KCNQ1: variants seen among roughly 807,000 people sequenced by gnomAD.
The protein encoded by KCNQ1 is potassium voltage-gated channel subfamily Q member 1, also known as potassium voltage-gated channel subfamily KQT member 1.
KCNQ1 carries 49 observed loss-of-function variants against 72.4 expected under a neutral mutation model. The observed-to-expected ratio is 0.68, with a 90% CI of 0.54 to 0.86. KCNQ1 has a LOEUF of 0.86. Ranked by LOEUF, KCNQ1 falls within the 40% of genes least tolerant of loss-of-function variation. The probability of loss-of-function intolerance (pLI) is 0.00; values close to 1 mark genes in which losing one functional copy is unlikely to be tolerated. For missense variants in KCNQ1, 790 were observed against 945.1 expected, an observed-to-expected ratio of 0.84 and a Z score of 2.15; for synonymous variants, 450 against 412.6, an observed-to-expected ratio of 1.09 and a Z score of -1.10.
chr11:2,654,454 C>G lies in KCNQ1; in HGVS notation c.1394-7507C>G, dbSNP rs993769700. On this transcript the variant is annotated intron_variant, in intron 10 of 15. Transcript: ENST00000155840. This position sits in a 1 kb window ranked among gnomAD's most constrained non-coding sequence, Gnocchi z 6.4. ...CAGAAGGCAAGGTTCCCGTGCTGAG[C>G]GCCAGGCACACATAAGCCCTGCAGC... 88 of 398,492 alleles carry G rather than the reference C, an allele frequency of 2.2e-4. No individual in the cohort carries two copies. The highest frequency in any genetic ancestry group is 6.2e-4 in the Middle Eastern group (1 of 1,610). 24.7% of individuals were successfully genotyped at this position (398,492 alleles called of 1,614,324 possible). A position where few individuals can be genotyped will look rare whatever the true frequency, so the allele number is the denominator to read the frequency against.
chr11:2,623,678 G>C lies in KCNQ1; in HGVS notation c.1393+34824G>C, dbSNP rs1849212966. ...TTATCTGTCTACTCACCTATGGAAG[G>C]ACATCTCGGTTGCTTCCAATTTCAA... On this transcript the variant is annotated intron_variant, in intron 10 of 15. Transcript: ENST00000155840. This position sits in a 1 kb window ranked among gnomAD's most constrained non-coding sequence, Gnocchi z 5.2. The C allele has an allele frequency of 1.0e-5, 4 of 398,482 alleles. No homozygotes were observed. In the East Asian group the frequency reaches 1.4e-4, roughly 14 times the overall value. The allele number at this position is 398,482 out of a possible 1,614,324, so 24.7% of individuals were successfully genotyped here.
At position 2,574,626 on chromosome 11, in the gene KCNQ1, G is replaced by A. The variant is rs141284849; in HGVS notation, c.921+1640G>A. Among the ~76,000 whole-genome samples, 1,232 of 152,322 alleles carry A rather than the reference G, an allele frequency of 8.1e-3. 9 individuals are homozygous for A. Among genetic ancestry groups the A allele is most frequent in the Middle Eastern group, 0.034 (10 of 294 alleles). ...GGGTGGGGTGAGAAGCCTCCCGGTG[G>A]CTCCCCAGGCAGGCACGTGTCCCTG... is the stretch of plus-strand genomic sequence containing the variant. On this transcript the variant is annotated intron_variant, in intron 6 of 15. Coordinates refer to ENST00000155840, the MANE Select transcript of KCNQ1 (RefSeq NM_000218.3).
chr11:2,475,011 C>G lies in KCNQ1; in HGVS notation c.386+29527C>G, dbSNP rs1420170870. Among the ~76,000 whole-genome samples the G allele has an allele frequency of 6.6e-6, 1 of 152,176 alleles. No homozygotes were observed. Among genetic ancestry groups the G allele is most frequent in the Admixed American group, 6.5e-5 (1 of 15,276 alleles). Reference sequence around the variant, plus strand: ...ATTGTTTGTGTTGTGATAAAATACACGTAACGTAAAATTGACCTTTTTAAC... The same window carrying G: ...ATTGTTTGTGTTGTGATAAAATACAGGTAACGTAAAATTGACCTTTTTAAC... On this transcript the variant is annotated intron_variant, in intron 1 of 15. Transcript: ENST00000155840. The surrounding 1 kb of genome is among the most constrained non-coding windows in gnomAD (Gnocchi z 5.8).
At position 2,600,463 on chromosome 11, in the gene KCNQ1, T is replaced by C. The variant is rs1848786451; in HGVS notation, c.1393+11609T>C. On this transcript the variant is annotated intron_variant, in intron 10 of 15. Coordinates refer to ENST00000155840, the MANE Select transcript of KCNQ1 (RefSeq NM_000218.3). This position sits in a 1 kb window ranked among gnomAD's most constrained non-coding sequence, Gnocchi z 5.6. ...CATTTGCTTTATCATTTGAACCCCT[T>C]TCTCTACATTATATTCACATAACAT... Among the ~76,000 whole-genome samples, 2 of 152,244 alleles carry C rather than the reference T, an allele frequency of 1.3e-5. No homozygotes were observed. Among genetic ancestry groups the C allele is most frequent in the Non-Finnish European group, 1.5e-5 (1 of 68,034 alleles).
In KCNQ1 at chr11:2,653,095, G is replaced by C; in HGVS notation, c.1394-8866G>C. ...ATCCTCATACAGCAGGGTGTGGAGA[G>C]AGGCTCACTGAAGGTTTGGGGAGAT... On this transcript the variant is annotated intron_variant, in intron 10 of 15. Coordinates refer to ENST00000155840, the MANE Select transcript of KCNQ1 (RefSeq NM_000218.3). The surrounding 1 kb of genome is among the most constrained non-coding windows in gnomAD (Gnocchi z 5.3). 2.5e-6 allele frequency: 1 copy of C among 398,726 alleles called. No homozygotes were observed. Among genetic ancestry groups the C allele is most frequent in the Non-Finnish European group, 4.4e-6 (1 of 226,126 alleles). 24.7% of individuals were successfully genotyped at this position (398,726 alleles called of 1,614,324 possible).
At position 2,824,720 on chromosome 11, in the gene KCNQ1, G is replaced by A. The variant is rs945241354; in HGVS notation, c.1795-23047G>A. Among the ~76,000 whole-genome samples the A allele has an allele frequency of 6.6e-6, 1 of 152,148 alleles. No individual in the cohort carries two copies. The highest frequency in any genetic ancestry group is 2.4e-5 in the African/African-American group (1 of 41,430). On this transcript the variant is annotated intron_variant, in intron 15 of 15. Transcript: ENST00000155840. The surrounding 1 kb of genome is among the most constrained non-coding windows in gnomAD (Gnocchi z 5.9). ...AGCTGGGGGTGGCGGGAAGAAGACAGTCAGGAGCTTGGGCATCCTAGAGGC... is the reference window on the plus strand; with the variant it reads ...AGCTGGGGGTGGCGGGAAGAAGACAATCAGGAGCTTGGGCATCCTAGAGGC...
chr11:2,473,217 G>A lies in KCNQ1; in HGVS notation c.386+27733G>A, dbSNP rs1016374849. 5.3e-5 allele frequency among the ~76,000 whole-genome samples: 8 copies of A among 152,114 alleles called. No homozygotes were observed. The highest frequency in any genetic ancestry group is 1.2e-4 in the Non-Finnish European group (8 of 68,012). ...GAGAGCAGGCAAGAGAAGGGGTGGG[G>A]CTGGCAGGGAGGGGGCTCCATTAAT... On this transcript the variant is annotated intron_variant, in intron 1 of 15. Transcript: ENST00000155840. This position sits in a 1 kb window ranked among gnomAD's most constrained non-coding sequence, Gnocchi z 6.0.
intron 10 of KCNQ1, chr11:2,643,334 G>A (rs911837623): frequency 7.5e-6 from 3 of 398,234 alleles, no homozygotes; most frequent in Non-Finnish European, 8.9e-6. Flanking sequence ...ATATCTGGGT[G>A]CTTTGGTGTT....
intron 15 of KCNQ1, among the ~76,000 whole-genome samples, chr11:2,841,595 T>C (rs1848212682): frequency 6.6e-6 from 1 of 152,154 alleles, no homozygotes; most frequent in Admixed American, 6.5e-5. Flanking sequence ...TTGGGAGGAA[T>C]CTGAGCTCCC....
chr11:2,647,831 T>C lies in KCNQ1; in HGVS notation c.1394-14130T>C, dbSNP rs1353375944. 7.5e-6 allele frequency: 3 copies of C among 398,456 alleles called. No individual in the cohort carries two copies. The highest frequency in any genetic ancestry group is 2.5e-4 in the South Asian group (2 of 7,866). The allele number at this position is 398,456 out of a possible 1,614,324, so 24.7% of individuals were successfully genotyped here. ...ATCTTTTGTATTTCTGTGGTGTCCA[T>C]TGTAAGTCTCCTTTTTCATTTCTGA... On this transcript the variant is annotated intron_variant, in intron 10 of 15. Coordinates refer to ENST00000155840, the MANE Select transcript of KCNQ1 (RefSeq NM_000218.3). The surrounding 1 kb of genome is among the most constrained non-coding windows in gnomAD (Gnocchi z 4.0).
rs1355665272 is a variant in KCNQ1 at position 2,451,594 on chromosome 11, T to G, written c.386+6110T>G. ...GAAAGGCTCCCAGGAGGGTCGTGGC[T>G]CCCTCATCGGCACCGGACTCTCAGG... On this transcript the variant is annotated intron_variant, in intron 1 of 15. Coordinates refer to ENST00000155840, the MANE Select transcript of KCNQ1 (RefSeq NM_000218.3). The surrounding 1 kb of genome is among the most constrained non-coding windows in gnomAD (Gnocchi z 6.4). Among the ~76,000 whole-genome samples the G allele has an allele frequency of 2.6e-5, 4 of 152,106 alleles. No individual in the cohort carries two copies. Among genetic ancestry groups the G allele is most frequent in the Non-Finnish European group, 5.9e-5 (4 of 68,006 alleles).
rs898766811 is a variant in KCNQ1, at chr11:2,659,213, G to A, written c.1394-2748G>A. On this transcript the variant is annotated intron_variant, in intron 10 of 15. Coordinates refer to ENST00000155840, the MANE Select transcript of KCNQ1 (RefSeq NM_000218.3). This position sits in a 1 kb window ranked among gnomAD's most constrained non-coding sequence, Gnocchi z 4.3. ...TGTCCACAATCCAGTATCATTCACA[G>A]AAGTTCCATACCCCTAAAAATACCC... The A allele has an allele frequency of 1.8e-5, 7 of 398,506 alleles. No homozygotes were observed. Among genetic ancestry groups the A allele is most frequent in the Non-Finnish European group, 1.8e-5 (4 of 226,070 alleles). 24.7% of individuals were successfully genotyped at this position (398,506 alleles called of 1,614,324 possible).
chr11:2,586,474 T>C (rs555718938), intron 8 of KCNQ1, among the ~76,000 whole-genome samples: 43 of 152,224 alleles, frequency 2.8e-4, no homozygotes, highest in African/African-American at 9.6e-4. Context: ...GGGGACCACA[T>C]TGGATTCCTG....
chr11:2,751,491 G>C (rs989148593), intron 11 of KCNQ1, among the ~76,000 whole-genome samples: 1 of 152,250 alleles, frequency 6.6e-6, no homozygotes, highest in African/African-American at 2.4e-5. Context: ...GGGGACTTGC[G>C]TCTCAGTGCA....
intron 15 of KCNQ1, among the ~76,000 whole-genome samples, chr11:2,842,038 G>T (rs759852621): frequency 1.3e-5 from 2 of 152,178 alleles, no homozygotes; most frequent in Non-Finnish European, 2.9e-5. Context: ...GACCATGAGC[G>T]GTGTGGGTCC....
chr11:2,509,479 G>T lies in KCNQ1; in HGVS notation c.387-18449G>T, dbSNP rs184147851. The stretch of plus-strand genomic sequence containing the variant: ...TGGGGGGTGTTTGGTGTCCTAGGAG[G>T]AGTCTCTGTCCTGAGCAGAGACAGA... On this transcript the variant is annotated intron_variant, in intron 1 of 15. Transcript: ENST00000155840. The surrounding 1 kb of genome is among the most constrained non-coding windows in gnomAD (Gnocchi z 6.3). Among the ~76,000 whole-genome samples the T allele has an allele frequency of 3.3e-5, 5 of 152,258 alleles. No individual in the cohort carries two copies. The highest frequency in any genetic ancestry group is 6.5e-5 in the Admixed American group (1 of 15,304).
At chr11:2,777,891 C>A (rs948020093) in intron 14 of KCNQ1, 85 bp from the exon 15 acceptor site, 2 of 1,174,116 alleles carry the variant, frequency 1.7e-6, no homozygotes, top group Non-Finnish European at 2.6e-6. Context: ...CTCCCCCAGC[C>A]CTACCACCCC....
rs1846774378 is a variant in KCNQ1 at position 2,488,249 on chromosome 11, T to C, written c.387-39679T>C. 6.6e-6 allele frequency among the ~76,000 whole-genome samples: 1 copy of C among 152,240 alleles called. No individual in the cohort carries two copies. Among genetic ancestry groups the C allele is most frequent in the Non-Finnish European group, 1.5e-5 (1 of 68,032 alleles). Reference sequence around the variant, plus strand: ...CATGATATGTAATACTTTAACTATGTTTCTGAACTCAGTTTGCTATTTTGT... The same window carrying C: ...CATGATATGTAATACTTTAACTATGCTTCTGAACTCAGTTTGCTATTTTGT... On this transcript the variant is annotated intron_variant, in intron 1 of 15. Transcript: ENST00000155840. This position sits in a 1 kb window ranked among gnomAD's most constrained non-coding sequence, Gnocchi z 5.1.
intron 1 of KCNQ1, among the ~76,000 whole-genome samples, chr11:2,514,627 C>A (rs1207245898): frequency 6.6e-6 from 1 of 152,234 alleles, no homozygotes; most frequent in Non-Finnish European, 1.5e-5. Context: ...GAGATCAAGG[C>A]CATCCTGGCT....
Sources: gnomAD v4.1 joint callset for allele counts (sites outside exome capture counted in the v4.1 genomes callset) on GRCh38, gnomAD v4.1.1 for gene constraint, Gnocchi (gnomAD v3.1) non-coding constraint, MANE v1.5 for transcripts, NCBI Gene and HGNC (gene_info 2026-07-23, HGNC 2026-07-21) for gene names.